AKT2: variants seen among roughly 807,000 people sequenced by gnomAD.
The protein encoded by AKT2 is RAC-beta serine/threonine-protein kinase.
A neutral mutation model predicts 58.6 loss-of-function variants in AKT2; 16 were observed. That is an observed-to-expected ratio of 0.27 (90% CI 0.18 to 0.41). The LOEUF (loss-of-function observed/expected upper bound fraction) is 0.41. Ranked by LOEUF, AKT2 falls within the 10% of genes least tolerant of loss-of-function variation. The pLI, the probability that AKT2 is intolerant of heterozygous loss-of-function variation, is 1.00. For synonymous variants in AKT2, 253 were observed against 254.0 expected (o/e 1.00, Z 0.04); for missense variants, 438 against 661.0 (o/e 0.66, Z 3.70).
At chr19:40,239,991 G>C (rs1156794388) in intron 7 of AKT2, 54 bp downstream of exon 7, 1 of 1,579,800 alleles carries the variant, frequency 6.3e-7, no homozygotes, top group African/African-American at 1.3e-5. Flanking sequence ...CTCTCTCTCT[G>C]AGCTCTGTCC....
At chr19:40,254,998 C>T (rs1975432858) in intron 4 of AKT2, among the ~76,000 whole-genome samples, 160 bp downstream of exon 4, 1 of 152,078 alleles carries the variant, frequency 6.6e-6, no homozygotes, top group Admixed American at 6.6e-5. Context: ...GACTAAGAAC[C>T]CCAGCTCTTC....
At chr19:40,239,019 T>A (rs1974209310) in intron 7 of AKT2, 46 bp from the exon 8 acceptor site, 1 of 1,590,664 alleles carries the variant, frequency 6.3e-7, no homozygotes, top group Non-Finnish European at 8.6e-7. Flanking sequence ...GGAGGAGGGC[T>A]CTGCTGAGCC....
At chr19:40,271,686 G>A (rs1280557737) in intron 1 of AKT2, among the ~76,000 whole-genome samples, 8 of 152,198 alleles carry the variant, frequency 5.3e-5, no homozygotes, top group Non-Finnish European at 7.3e-5. Flanking sequence ...TAGTGCCAGG[G>A]CACAGAAGTT....
chr19:40,284,937 G>T, intron 1 of AKT2: 3 of 321,450 alleles, frequency 9.3e-6, no homozygotes, highest in Middle Eastern at 8.4e-4. Context: ...TGCGCTCCCC[G>T]TCCCGCAAAC....
At chr19:40,249,128 C>T (rs1249703158) in intron 4 of AKT2, among the ~76,000 whole-genome samples, 1 of 152,034 alleles carries the variant, frequency 6.6e-6, no homozygotes, top group Admixed American at 6.5e-5. Flanking sequence ...TACGTGCCAC[C>T]ATGTTAGAGA....
intron 2 of AKT2, among the ~76,000 whole-genome samples, chr19:40,260,353 C>T (rs1237432486): frequency 2.6e-5 from 4 of 151,974 alleles, no homozygotes; most frequent in African/African-American, 4.8e-5. Context: ...ACCCCGAGGC[C>T]GGGCTTGGTG....
rs767892256 is a variant in AKT2 at position 40,234,875 on chromosome 19, C to T, written c.1366+170G>A. 1.4e-5 allele frequency: 10 copies of T among 723,400 alleles called. No homozygotes were observed. Among genetic ancestry groups the T allele is most frequent in the Admixed American group, 2.0e-5 (1 of 49,188 alleles). 44.8% of individuals were successfully genotyped at this position (723,400 alleles called of 1,614,324 possible). ...CAGTCAATGGCTCCTGGTGGCCTCACCAGGTCCAAAGAGGACCAACAGCAA... is the reference window on the plus strand; with the variant it reads ...CAGTCAATGGCTCCTGGTGGCCTCATCAGGTCCAAAGAGGACCAACAGCAA... On this transcript the variant is annotated intron_variant, in intron 13 of 13. Transcript: ENST00000392038. This position sits in a 1 kb window ranked among gnomAD's most constrained non-coding sequence, Gnocchi z 4.7.
Position 40,238,050 on chromosome 19 carries a change from C to T in AKT2, c.750G>A (p.Glu250=). Residue 250 remains glutamate, a synonymous_variant, in exon 9 of 14, where the codon GAG becomes GAA. Coordinates refer to ENST00000392038, the MANE Select transcript of AKT2 (RefSeq NM_001626.6). This position sits in a 1 kb window ranked among gnomAD's most constrained non-coding sequence, Gnocchi z 5.1. ...TCTCTGCACCATAAAACCGGGCCCG[C>T]TCCTCTGTGAAGACACGCTCCCGGG... The part of the protein sequence containing the change: ...HLSRERVFTE[E]RARFYGAEIV... 2 of 1,608,570 alleles carry T rather than the reference C, an allele frequency of 1.2e-6. No homozygotes were observed. Among genetic ancestry groups the T allele is most frequent in the Non-Finnish European group, 1.7e-6 (2 of 1,177,554 alleles).
At position 40,238,429 on chromosome 19, in the gene AKT2, C is replaced by T. The variant is rs948293171; in HGVS notation, c.709-338G>A. Among the ~76,000 whole-genome samples the T allele has an allele frequency of 2.0e-5, 3 of 152,172 alleles. No homozygotes were observed. Among genetic ancestry groups the T allele is most frequent in the African/African-American group, 7.2e-5 (3 of 41,430 alleles). ...CCAGATCAGACAGATGAGCAAACCA[C>T]GCATCCCAAAGCAGGTGTGCCAACC... On this transcript the variant is annotated intron_variant, in intron 8 of 13. Transcript: ENST00000392038. The surrounding 1 kb of genome is among the most constrained non-coding windows in gnomAD (Gnocchi z 5.1).
At chr19:40,256,517 G>C (rs1975552551) in intron 3 of AKT2, among the ~76,000 whole-genome samples, 1 of 152,206 alleles carries the variant, frequency 6.6e-6, no homozygotes, top group African/African-American at 2.4e-5. Flanking sequence ...GAGGGACAGA[G>C]GACGCGAGGC....
rs796267127 is a variant in AKT2, at chr19:40,235,766, C to T, written c.1175+124G>A. 1.6e-5 allele frequency: 16 copies of T among 1,015,178 alleles called. 1 individual carries two copies. In the African/African-American group the frequency reaches 2.6e-4, roughly 16 times the overall value. The allele number at this position is 1,015,178 out of a possible 1,614,324, so 62.9% of individuals were successfully genotyped here. A position where few individuals can be genotyped will look rare whatever the true frequency, so the allele number is the denominator to read the frequency against. ...GTGCCACTGTGGACGTTTTCAGGGG[C>T]TGTGTGGGGACGACACACTGCGACC... is the stretch of plus-strand genomic sequence containing the variant. On this transcript the variant is annotated intron_variant, in intron 11 of 13. Coordinates refer to ENST00000392038, the MANE Select transcript of AKT2 (RefSeq NM_001626.6). The surrounding 1 kb of genome is among the most constrained non-coding windows in gnomAD (Gnocchi z 6.3).
rs200741511 is a variant in AKT2 at position 40,241,855 on chromosome 19, C to T, written c.573+83G>A. 4.8e-4 allele frequency: 759 copies of T among 1,592,596 alleles called. 2 individuals carry two copies. In the Middle Eastern group the frequency reaches 7.0e-3, roughly 15 times the overall value. ...AATAAGCCCACAGCAGCAGAAAGCG[C>T]GGGTAAGCGTCCAGGCCTCAGGGTC... On this transcript the variant is annotated intron_variant, in intron 6 of 13. Transcript: ENST00000392038.
At chr19:40,248,828 G>A (rs1974931692) in intron 4 of AKT2, among the ~76,000 whole-genome samples, 2 of 149,502 alleles carry the variant, frequency 1.3e-5, no homozygotes, top group Non-Finnish European at 3.0e-5. Flanking sequence ...TGGAGGAGAT[G>A]AGGACAGAGA....
chr19:40,253,729 A>C (rs940050730), intron 4 of AKT2, among the ~76,000 whole-genome samples: 9 of 152,190 alleles, frequency 5.9e-5, no homozygotes, highest in African/African-American at 2.2e-4. Flanking sequence ...CTGTGCACAC[A>C]TCAAACGAGA....
chr19:40,236,810 A>C, intron 9 of AKT2: 1 of 275,226 alleles, frequency 3.6e-6, no homozygotes, highest in East Asian at 9.7e-5. Context: ...GATTGCTTGA[A>C]CCCATGAGTT....
At position 40,233,504 on chromosome 19, in the gene AKT2, G is replaced by A. The variant is rs1973820321; in HGVS notation, c.*368C>T. 1.7e-6 allele frequency: 1 copy of A among 596,488 alleles called. No homozygotes were observed. The highest frequency in any genetic ancestry group is 3.2e-6 in the Non-Finnish European group (1 of 310,834). The allele number at this position is 596,488 out of a possible 1,614,324, so 36.9% of individuals were successfully genotyped here. On this transcript the variant is annotated 3_prime_UTR_variant, in exon 14 of 14. Transcript: ENST00000392038. This position sits in a 1 kb window ranked among gnomAD's most constrained non-coding sequence, Gnocchi z 4.3. ...AGGCAGCCTTCGTCCAGATGCAGCA[G>A]CGCGGAGGCAGACACCAGCACGACA...
chr19:40,251,780 C>T (rs1171281725), intron 4 of AKT2, among the ~76,000 whole-genome samples: 2 of 152,062 alleles, frequency 1.3e-5, no homozygotes, highest in South Asian at 2.1e-4. Context: ...TCATCTCAGG[C>T]GTGACAGCAT....
chr19:40,257,599 A>ACG (rs1195100428), intron 2 of AKT2, among the ~76,000 whole-genome samples: 1 of 151,648 alleles, frequency 6.6e-6, no homozygotes, highest in East Asian at 1.9e-4. Context: ...ACACACACAC[A>ACG]CACACACACA....
Position 40,231,224 on chromosome 19 carries a change from G to A in AKT2, c.*2648C>T. ...TGCAGCTGTGGGACCCCATCCTGTG[G>A]AAGAGGAGAGAGGCACTAAAAAGAT... is the stretch of plus-strand genomic sequence containing the variant. On this transcript the variant is annotated 3_prime_UTR_variant, in exon 14 of 14. Coordinates refer to ENST00000392038, the MANE Select transcript of AKT2 (RefSeq NM_001626.6). The A allele has an allele frequency of 8.6e-6, 2 of 232,210 alleles. No individual in the cohort carries two copies. The highest frequency in any genetic ancestry group is 1.7e-5 in the Non-Finnish European group (2 of 117,414). 14.4% of individuals were successfully genotyped at this position (232,210 alleles called of 1,614,324 possible). A position where few individuals can be genotyped will look rare whatever the true frequency, so the allele number is the denominator to read the frequency against.
Sources: allele counts gnomAD v4.1 joint callset (sites outside exome capture counted in the v4.1 genomes callset), GRCh38; gene constraint gnomAD v4.1.1; non-coding constraint Gnocchi (gnomAD v3.1); transcripts MANE v1.5; gene names NCBI Gene and HGNC (gene_info 2026-07-23, HGNC 2026-07-21).